Variants in NSG1 observed in about 807,000 individuals in gnomAD.
NSG1 encodes neuronal vesicle trafficking-associated protein 1.
Under a neutral mutation model 19.3 loss-of-function variants are expected in NSG1, and 9 were observed. The ratio of observed to expected loss-of-function variants is 0.47; its 90% CI spans 0.28 to 0.81. The LOEUF (loss-of-function observed/expected upper bound fraction) is 0.81, where lower values mean the gene tolerates loss of function less well. Among genes scored for constraint, NSG1 ranks in the 40% least tolerant of loss-of-function variants. The pLI, the probability that NSG1 is intolerant of heterozygous loss-of-function variation, is 0.11. For synonymous variants in NSG1, 104 were observed against 107.0 expected (o/e 0.97, Z 0.17); for missense variants, 236 against 242.4 (o/e 0.97, Z 0.18).
chr4:4,410,621 T>C (rs1284848949), intron 4 of NSG1, among the ~76,000 whole-genome samples: 1 of 152,150 alleles, frequency 6.6e-6, no homozygotes, highest in Non-Finnish European at 1.5e-5. Flanking sequence ...TAAAAACACG[T>C]TATAACGCAT....
intron 3 of NSG1, among the ~76,000 whole-genome samples, chr4:4,403,116 G>A (rs4234746): frequency 0.83 from 126,527 of 151,996 alleles, 52,737 homozygotes; most frequent in East Asian, 0.95. Flanking sequence ...TCACTCACTC[G>A]CTGAACGTGC....
chr4:4,401,033 C>T (rs897706863), intron 3 of NSG1, among the ~76,000 whole-genome samples: 2 of 152,192 alleles, frequency 1.3e-5, no homozygotes, highest in Admixed American at 1.3e-4. Context: ...ACCCGCTGCT[C>T]CAGTGCACTA....
chr4:4,397,818 C>T (rs1723337247), intron 3 of NSG1, among the ~76,000 whole-genome samples: 1 of 152,226 alleles, frequency 6.6e-6, no homozygotes, highest in Admixed American at 6.5e-5. Flanking sequence ...CTGTTCCCGG[C>T]TGTTCTTTCC....
At chr4:4,396,964 G>A (rs1225209567) in intron 3 of NSG1, among the ~76,000 whole-genome samples, 1 of 152,022 alleles carries the variant, frequency 6.6e-6, no homozygotes, top group East Asian at 1.9e-4. Flanking sequence ...GGCTGTGGTT[G>A]CAGAGCCCAC....
At chr4:4,411,284 T>G (rs1219361098) in intron 4 of NSG1, among the ~76,000 whole-genome samples, 8 of 152,268 alleles carry the variant, frequency 5.3e-5, no homozygotes, top group Non-Finnish European at 8.8e-5. Context: ...TTTAATTCTT[T>G]TTTTACTTCC....
chr4:4,416,136 C>A, intron 4 of NSG1: 1 of 702,332 alleles, frequency 1.4e-6, no homozygotes, highest in South Asian at 1.5e-5. Context: ...TGGTGTGACT[C>A]ATTGGCCGCA....
At chr4:4,389,781 A>G (rs1722907554) in intron 2 of NSG1, among the ~76,000 whole-genome samples, 2 of 152,210 alleles carry the variant, frequency 1.3e-5, no homozygotes, top group African/African-American at 4.8e-5. Context: ...GCTGGGGTGC[A>G]GCGGTGACAG....
intron 4 of NSG1, among the ~76,000 whole-genome samples, chr4:4,413,016 C>T (rs1724302494): frequency 1.3e-5 from 2 of 152,128 alleles, no homozygotes; most frequent in Admixed American, 1.3e-4. Context: ...CCTTGCACAT[C>T]ATGCTGTCCT....
intron 4 of NSG1, among the ~76,000 whole-genome samples, chr4:4,416,831 G>T (rs893102087): frequency 6.6e-6 from 1 of 152,188 alleles, no homozygotes; most frequent in Non-Finnish European, 1.5e-5. Context: ...AAGGTCTGCT[G>T]AGAACCTAGC....
intron 4 of NSG1, among the ~76,000 whole-genome samples, chr4:4,410,911 G>A (rs900129898): frequency 2.0e-5 from 3 of 152,180 alleles, no homozygotes; most frequent in East Asian, 1.9e-4. Flanking sequence ...AGGCTGGAGC[G>A]CAATGGTGCG....
At chr4:4,414,002 G>A (rs1724374356) in intron 4 of NSG1, among the ~76,000 whole-genome samples, 2 of 152,112 alleles carry the variant, frequency 1.3e-5, no homozygotes, top group Non-Finnish European at 2.9e-5. Context: ...CCGGAGAGAG[G>A]ACAGCAGAGG....
intron 3 of NSG1, among the ~76,000 whole-genome samples, chr4:4,407,368 T>G (rs1197094656): frequency 6.6e-6 from 1 of 151,510 alleles, no homozygotes; most frequent in African/African-American, 2.4e-5. Flanking sequence ...TCATTGGAGT[T>G]GTAGTGGGTC....
intron 3 of NSG1, among the ~76,000 whole-genome samples, chr4:4,393,033 C>G (rs1723079750): frequency 6.6e-6 from 1 of 152,190 alleles, no homozygotes; most frequent in Non-Finnish European, 1.5e-5. Context: ...TCTGCTGCCA[C>G]TCACCTGTCC....
chr4:4,409,633 T>C lies in NSG1; in HGVS notation c.307T>C (p.Tyr103His). ...FLTCVVFLVVYKVYKYDRACP... is the reference protein window; with the variant it reads ...FLTCVVFLVVHKVYKYDRACP... ...CACCTGCGTCGTCTTCCTGGTTGTC[T>C]ACAAGGTGTACAAGTATGACCGCGC... Residue 103 changes from tyrosine to histidine, a missense_variant, in exon 4 of 5, where the codon TAC becomes CAC. By Grantham distance (83) the Tyr-to-His change is moderately conservative (BLOSUM62 2). Transcript: ENST00000621129. The C allele has an allele frequency of 6.2e-7, 1 of 1,614,176 alleles. No homozygotes were observed. The highest frequency in any genetic ancestry group is 8.5e-7 in the Non-Finnish European group (1 of 1,180,022).
Position 4,417,543 on chromosome 4 carries a change from G to C in NSG1, c.*108G>C. 2 of 1,113,552 alleles carry C rather than the reference G, an allele frequency of 1.8e-6. No individual in the cohort carries two copies. The highest frequency in any genetic ancestry group is 3.1e-5 in the African/African-American group (2 of 64,098). 69.0% of individuals were successfully genotyped at this position (1,113,552 alleles called of 1,614,324 possible). ...ATACTTTAGAGGTTACTCATTTACG[G>C]TGCAATTGCTTCTGTTTGCTAATGC... is the stretch of plus-strand genomic sequence containing the variant. On this transcript the variant is annotated 3_prime_UTR_variant, in exon 5 of 5. Coordinates refer to ENST00000621129, the MANE Select transcript of NSG1 (RefSeq NM_014392.5).
chr4:4,410,761 A>G (rs975472945), intron 4 of NSG1, among the ~76,000 whole-genome samples: 1 of 152,156 alleles, frequency 6.6e-6, no homozygotes, highest in African/African-American at 2.4e-5. Context: ...ACTCCTGTAG[A>G]CGAGTGAGCG....
Position 4,402,937 on chromosome 4 carries a change from C to T in NSG1, c.247-6636C>T, listed in dbSNP as rs143167938. 4.3e-3 allele frequency among the ~76,000 whole-genome samples: 662 copies of T among 152,326 alleles called. 3 individuals are homozygous for T. The highest frequency in any genetic ancestry group is 0.014 in the African/African-American group (597 of 41,574). ...GCCCTGGATCTGCTTCCTTCCCAGG[C>T]GAGATCATTTGCTTAATAAAACCAA... On this transcript the variant is annotated intron_variant, in intron 3 of 4. Transcript: ENST00000621129.
chr4:4,413,310 G>T (rs931244650), intron 4 of NSG1, among the ~76,000 whole-genome samples: 1 of 151,744 alleles, frequency 6.6e-6, no homozygotes, highest in African/African-American at 2.4e-5. Flanking sequence ...TTGGAGGAGC[G>T]GGTCTCCAGG....
At chr4:4,398,445 G>GCCCC (rs60967440) in intron 3 of NSG1, among the ~76,000 whole-genome samples, 1 of 149,968 alleles carries the variant, frequency 6.7e-6, no homozygotes, top group Non-Finnish European at 1.5e-5. Flanking sequence ...TCACTCCCAT[G>GCCCC]CCCCCCCCCA....
Sources: allele counts gnomAD v4.1 joint callset (sites outside exome capture counted in the v4.1 genomes callset), GRCh38; gene constraint gnomAD v4.1.1; transcripts MANE v1.5; gene names NCBI Gene and HGNC (gene_info 2026-07-23, HGNC 2026-07-21).